Variants in ZNF568 observed in about 807,000 individuals in gnomAD.
ZNF568 encodes zinc finger protein 568, also known as p53 inhibitor of SCO2 activation.
Under a neutral mutation model 18.1 loss-of-function variants are expected in ZNF568, and 11 were observed. That is an observed-to-expected ratio of 0.61 (90% confidence interval 0.38 to 1.00). The LOEUF is 1.00. Ranked by LOEUF, ZNF568 falls within the 50% of genes least tolerant of loss-of-function variation. The probability of loss-of-function intolerance (pLI) is 0.01; values close to 1 mark genes in which losing one functional copy is unlikely to be tolerated. For synonymous variants in ZNF568, 213 were observed against 246.6 expected, an observed-to-expected ratio of 0.86 and a Z score of 1.28; for missense variants, 639 against 768.2, an observed-to-expected ratio of 0.83 and a Z score of 1.99.
intron 6 of ZNF568, among the ~76,000 whole-genome samples, chr19:36,962,593 G>C (rs1272361600): frequency 6.6e-6 from 1 of 151,848 alleles, no homozygotes; most frequent in Non-Finnish European, 1.5e-5. Context: ...CACCCGCTTC[G>C]ACCTCCCATA....
At chr19:36,935,527 TC>T (rs1040891515) in intron 4 of ZNF568, among the ~76,000 whole-genome samples, 9 of 148,786 alleles carry the variant, frequency 6.0e-5, no homozygotes, top group Non-Finnish European at 1.2e-4. Flanking sequence ...GCCACTGTAC[TC>T]CAGCCTAGGC....
intron 6 of ZNF568, among the ~76,000 whole-genome samples, chr19:36,940,013 C>T (rs537905650): frequency 1.3e-5 from 2 of 152,234 alleles, no homozygotes; most frequent in East Asian, 3.9e-4. Context: ...TCAAATTCTT[C>T]CTTGGTTCTG....
At chr19:36,917,351 C>T (rs2146259288) in intron 1 of ZNF568, among the ~76,000 whole-genome samples, 1 of 152,270 alleles carries the variant, frequency 6.6e-6, no homozygotes, top group Non-Finnish European at 1.5e-5. Flanking sequence ...CAATTATGCC[C>T]ACAGTTGGAG....
At chr19:36,968,430 G>A (rs990983170) in intron 6 of ZNF568, among the ~76,000 whole-genome samples, 4 of 130,502 alleles carry the variant, frequency 3.1e-5, no homozygotes, top group African/African-American at 8.9e-5. Context: ...AAAATTAGCC[G>A]GGCGTGGTGG....
intron 7 of ZNF568, chr19:36,978,982 C>CT (rs750326116): frequency 0.24 from 63,595 of 260,512 alleles, 6,447 homozygotes; most frequent in African/African-American, 0.3. Flanking sequence ...TTGTAACTAT[C>CT]TTTTTTTTTT....
chr19:36,980,301 A>G (rs1298731177), downstream of ZNF568: 2 of 152,108 alleles, frequency 1.3e-5, no homozygotes, highest in South Asian at 4.1e-4. Flanking sequence ...TATTATCCCT[A>G]TTTTCTATAA....
intron 6 of ZNF568, among the ~76,000 whole-genome samples, chr19:36,960,742 A>C (rs922705684): frequency 7.3e-6 from 1 of 137,026 alleles, no homozygotes; most frequent in East Asian, 2.1e-4. Flanking sequence ...AAAAAAAAAA[A>C]TTTTTTTTTC....
rs757007182 is a variant in ZNF568, at chr19:36,949,656, T to C, written c.503T>C (p.Ile168Thr). 2 of 1,613,848 alleles carry C rather than the reference T, an allele frequency of 1.2e-6. No individual in the cohort carries two copies. The highest frequency in any genetic ancestry group is 2.2e-5 in the South Asian group (2 of 91,032). The part of the protein sequence containing the change: ...VAKIFPLSSD[I>T]VTSRQSFYDC... ...AAAATATTTCCTCTGAGTTCAGACA[T>C]TGTTACTTCAAGACAAAGCTTCTAT... Residue 168 changes from isoleucine (I) to threonine (T), a missense_variant, in exon 7 of 7, where the codon ATT becomes ACT. Ile to Thr is a moderately conservative substitution (Grantham distance 89). Coordinates refer to ENST00000333987, the MANE Select transcript of ZNF568 (RefSeq NM_198539.4).
chr19:36,992,653 C>A (rs1425855108), intron 4 of ZNF568, among the ~76,000 whole-genome samples: 25 of 152,090 alleles, frequency 1.6e-4, no homozygotes, highest in Admixed American at 1.6e-3. Context: ...CCAGTTTTGT[C>A]CTGACTTTTT....
rs567222746 is a variant in ZNF568 at position 36,917,597 on chromosome 19, G to A, written c.-237G>A. On this transcript the variant is annotated 5_prime_UTR_variant, in exon 2 of 7. Transcript: ENST00000333987. ...GTTTCAGATCTGTGTCTTGTAAAGA[G>A]CATATTGCTGGGCTTACATCCGTTT... is the stretch of plus-strand genomic sequence containing the variant. 18 of 152,258 alleles carry A rather than the reference G, an allele frequency of 1.2e-4. No homozygotes were observed. The East Asian group carries it at 2.9e-3, about 24-fold the overall frequency. 9.4% of individuals were successfully genotyped at this position (152,258 alleles called of 1,614,324 possible).
intron 2 of ZNF568, among the ~76,000 whole-genome samples, chr19:36,921,798 G>T (rs993500114): frequency 6.6e-6 from 1 of 152,102 alleles, no homozygotes; most frequent in African/African-American, 2.4e-5. Flanking sequence ...TAATTCAGTT[G>T]CCAAGATAAT....
In ZNF568 at chr19:36,950,811, C is replaced by A. The variant is rs747948636; in HGVS notation, c.1658C>A (p.Thr553Asn). Reference protein sequence around the residue: ...QNLLEHEKIHTGEKPFKCNEC... With the variant: ...QNLLEHEKIHNGEKPFKCNEC... ...CTTCTTGAGCATGAAAAAATTCATA[C>A]TGGAGAGAAACCATTCAAATGTAAT... Residue 553 changes from threonine (T) to asparagine (N), a missense_variant, in exon 7 of 7, where the codon ACT becomes AAT. Physicochemically the swap from Thr to Asn is moderately conservative, Grantham distance 65 (BLOSUM62 0). Transcript: ENST00000333987. 2.4e-5 allele frequency: 38 copies of A among 1,613,758 alleles called. No individual in the cohort carries two copies. Among genetic ancestry groups the A allele is most frequent in the Non-Finnish European group, 3.1e-5 (37 of 1,179,980 alleles).
chr19:36,986,826 A>C (rs2074380588), intron 2 of ZNF568, among the ~76,000 whole-genome samples: 1 of 152,072 alleles, frequency 6.6e-6, no homozygotes, highest in South Asian at 2.1e-4. Flanking sequence ...TGTGATCTGC[A>C]GTGACAAACA....
chr19:36,981,374 A>G (rs1471634817), downstream of ZNF568, among the ~76,000 whole-genome samples: 1 of 152,180 alleles, frequency 6.6e-6, no homozygotes, highest in Non-Finnish European at 1.5e-5. Flanking sequence ...TGGGATAATG[A>G]TTTATAATGC....
chr19:36,960,267 A>G (rs2146322165), intron 6 of ZNF568, among the ~76,000 whole-genome samples: 1 of 151,550 alleles, frequency 6.6e-6, no homozygotes, highest in South Asian at 2.1e-4. Flanking sequence ...ACAGGTGCTC[A>G]CCACCATGCC....
downstream of ZNF568, chr19:36,997,657 T>C: frequency 7.6e-7 from 1 of 1,313,580 alleles, no homozygotes; most frequent in African/African-American, 1.5e-5. Context: ...TGGAAAGGCC[T>C]TCATTCGGGC....
At chr19:36,948,658 A>ATTTTTTTTGTTTTTTTTTTTTTTTTTTTT (rs2074004754) in intron 6 of ZNF568, among the ~76,000 whole-genome samples, 1 of 83,576 alleles carries the variant, frequency 1.2e-5, no homozygotes, top group African/African-American at 4.8e-5. Flanking sequence ...TTTGTTGTTG[A>ATTTTTTTTGTTTTTTTTTTTTTTTTTTTT]TTTTTTTTTT....
downstream of ZNF568, among the ~76,000 whole-genome samples, chr19:36,956,929 A>G (rs1044490919): frequency 6.6e-6 from 1 of 152,222 alleles, no homozygotes; most frequent in Admixed American, 6.5e-5. Flanking sequence ...TGAAACTAAT[A>G]AACTCATTAC....
chr19:36,996,830 C>T, exon 5 of ZNF568: 7 of 1,545,464 alleles, frequency 4.5e-6, no homozygotes, highest in Non-Finnish European at 6.1e-6. Context: ...CGTTCCAGCT[C>T]ACAAATTAGT....
Sources: allele counts gnomAD v4.1 joint callset (sites outside exome capture counted in the v4.1 genomes callset), GRCh38; gene constraint gnomAD v4.1.1; transcripts MANE v1.5; gene names NCBI Gene and HGNC (gene_info 2026-07-23, HGNC 2026-07-21).